Variants in WWP2 observed in about 807,000 individuals in gnomAD.
The protein encoded by WWP2 is NEDD4-like E3 ubiquitin-protein ligase WWP2.
Under a neutral mutation model 121.0 loss-of-function variants are expected in WWP2, and 57 were observed. That is an observed-to-expected ratio of 0.47 (90% CI 0.38 to 0.59). WWP2 has a LOEUF of 0.59. Among genes scored for constraint, WWP2 ranks in the 20% least tolerant of loss-of-function variants. WWP2 has a pLI of 0.00. For missense variants in WWP2, 962 were observed against 1,158.9 expected (o/e 0.83, Z 2.47); for synonymous variants, 449 against 441.3 (o/e 1.02, Z -0.22).
intron 14 of WWP2, 73 bp downstream of exon 14, chr16:69,931,300 C>T (rs2058707914): frequency 6.4e-7 from 1 of 1,574,152 alleles, no homozygotes; most frequent in African/African-American, 1.3e-5. Context: ...CCCGGCACAG[C>T]AGCAGGTATC....
chr16:69,828,759 G>T (rs1486618544), intron 4 of WWP2, among the ~76,000 whole-genome samples: 2 of 152,170 alleles, frequency 1.3e-5, no homozygotes, highest in Non-Finnish European at 2.9e-5. Flanking sequence ...TCTTGGCAAG[G>T]TCATCATCTA....
At chr16:69,835,721 C>T (rs2056864573) in intron 4 of WWP2, among the ~76,000 whole-genome samples, 1 of 152,058 alleles carries the variant, frequency 6.6e-6, no homozygotes. Context: ...TCTAAAAAGT[C>T]ACTTGAAAAT....
At chr16:69,830,938 G>A (rs929775913) in intron 4 of WWP2, among the ~76,000 whole-genome samples, 8 of 152,126 alleles carry the variant, frequency 5.3e-5, no homozygotes, top group African/African-American at 1.7e-4. Context: ...AATTTCCCCC[G>A]GTTCCCTTCC....
intron 1 of WWP2, among the ~76,000 whole-genome samples, chr16:69,781,574 C>T (rs1230677053): frequency 6.6e-6 from 1 of 151,846 alleles, no homozygotes; most frequent in Non-Finnish European, 1.5e-5. Flanking sequence ...GTCTTGAACT[C>T]CTGAGCACAA....
chr16:69,930,188 G>GTATTT lies in WWP2; in HGVS notation c.1376_1377insATTTT (p.Arg460PhefsTer58). Reference sequence around the variant, plus strand: ...GGAGATGAAATACACCAGCGAGGGGGTGCGATACTTTGTGGACCACAATAC... The same window carrying GTATTT: ...GGAGATGAAATACACCAGCGAGGGGGTATTTTGCGATACTTTGTGGACCACAATAC... On this transcript the variant is annotated frameshift_variant, in exon 13 of 24. Coordinates refer to ENST00000359154, the MANE Select transcript of WWP2 (RefSeq NM_001270454.2). LOFTEE classifies it high-confidence loss of function. 6.2e-7 allele frequency: 1 copy of GTATTT among 1,614,058 alleles called. No homozygotes were observed. The highest frequency in any genetic ancestry group is 1.1e-5 in the South Asian group (1 of 91,052).
At chr16:69,922,077 C>CAA (rs530518146) in intron 10 of WWP2, among the ~76,000 whole-genome samples, 41 of 96,562 alleles carry the variant, frequency 4.2e-4, no homozygotes, top group East Asian at 1.3e-3. Context: ...GACTCCATCT[C>CAA]AAAAAAAAAA....
At chr16:69,880,665 A>G (rs757458810) in intron 7 of WWP2, among the ~76,000 whole-genome samples, 1 of 152,216 alleles carries the variant, frequency 6.6e-6, no homozygotes, top group African/African-American at 2.4e-5. Flanking sequence ...TGCCGTGCTA[A>G]TTACGAAATC....
chr16:69,823,007 C>T (rs780201957), intron 4 of WWP2, among the ~76,000 whole-genome samples: 3 of 151,884 alleles, frequency 2.0e-5, no homozygotes, highest in East Asian at 1.9e-4. Flanking sequence ...CATGGTGGCA[C>T]GTAATCTCAG....
intron 4 of WWP2, among the ~76,000 whole-genome samples, chr16:69,820,821 CATAT>C (rs943006863): frequency 4.0e-5 from 5 of 126,424 alleles, no homozygotes; most frequent in Non-Finnish European, 8.5e-5. Context: ...TGAATACATG[CATAT>C]ACACACACAC....
intron 8 of WWP2, among the ~76,000 whole-genome samples, chr16:69,893,199 G>A (rs1416480223): frequency 6.6e-6 from 1 of 152,142 alleles, no homozygotes; most frequent in Non-Finnish European, 1.5e-5. Flanking sequence ...ATCCCTGGTG[G>A]ACAAGAAGAA....
chr16:69,816,050 A>G (rs923623272), intron 4 of WWP2, among the ~76,000 whole-genome samples: 10 of 152,160 alleles, frequency 6.6e-5, no homozygotes, highest in Non-Finnish European at 1.5e-4. Flanking sequence ...AGTAAAAGAC[A>G]GCTACAGACC....
chr16:69,888,936 C>T (rs1224911520), intron 8 of WWP2, among the ~76,000 whole-genome samples: 2 of 152,136 alleles, frequency 1.3e-5, no homozygotes, highest in Non-Finnish European at 2.9e-5. Flanking sequence ...GAACTCCTGA[C>T]CTCACATCAT....
intron 16 of WWP2, among the ~76,000 whole-genome samples, chr16:69,932,786 C>A (rs1041965025): frequency 7.2e-5 from 11 of 152,324 alleles, no homozygotes; most frequent in African/African-American, 2.6e-4. Context: ...TTGCCTTCAC[C>A]CTGGTCCACC....
intron 6 of WWP2, among the ~76,000 whole-genome samples, chr16:69,862,810 C>T (rs1567388516): frequency 6.7e-6 from 1 of 148,414 alleles, no homozygotes; most frequent in African/African-American, 2.5e-5. Flanking sequence ...ACTGCGGCCT[C>T]GACCTCCCCA....
rs753509815 is a variant in WWP2, at chr16:69,937,731, G to T, written c.2343+79G>T. Reference sequence around the variant, plus strand: ...AACGGGTCCTGAGGAGGCCTCACGCGCAAGGACCTTCAGCTTTGGCCCTGT... The same window carrying T: ...AACGGGTCCTGAGGAGGCCTCACGCTCAAGGACCTTCAGCTTTGGCCCTGT... On this transcript the variant is annotated intron_variant, in intron 21 of 23. Coordinates refer to ENST00000359154, the MANE Select transcript of WWP2 (RefSeq NM_001270454.2). This position sits in a 1 kb window ranked among gnomAD's most constrained non-coding sequence, Gnocchi z 6.6. The T allele has an allele frequency of 1.0e-5, 14 of 1,388,616 alleles. No homozygotes were observed. The African/African-American group carries it at 1.6e-4, about 16-fold the overall frequency. 86.0% of individuals were successfully genotyped at this position (1,388,616 alleles called of 1,614,324 possible). A position where few individuals can be genotyped will look rare whatever the true frequency, so the allele number is the denominator to read the frequency against.
chr16:69,795,261 C>T (rs540146250), intron 2 of WWP2, among the ~76,000 whole-genome samples: 2 of 27,390 alleles, frequency 7.3e-5, no homozygotes, highest in African/African-American at 1.8e-4. Context: ...AATGCGGATA[C>T]ACACACACAC....
At chr16:69,930,018 A>G (rs2151988931) in intron 12 of WWP2, 112 bp from the exon 13 acceptor site, 1 of 1,506,730 alleles carries the variant, frequency 6.6e-7, no homozygotes. Flanking sequence ...ATGTCCTCAA[A>G]GTCCCTCATG....
At chr16:69,852,133 G>A (rs1178752585) in intron 6 of WWP2, among the ~76,000 whole-genome samples, 1 of 152,170 alleles carries the variant, frequency 6.6e-6, no homozygotes, top group African/African-American at 2.4e-5. Context: ...AGTTTGCATT[G>A]CCACCAGCAG....
chr16:69,827,373 G>A (rs998807944), intron 4 of WWP2, among the ~76,000 whole-genome samples: 2 of 152,054 alleles, frequency 1.3e-5, no homozygotes, highest in Admixed American at 6.6e-5. Context: ...CAGCCTGGGC[G>A]ACAGAGACTC....
Sources: gnomAD v4.1 joint callset for allele counts (sites outside exome capture counted in the v4.1 genomes callset) on GRCh38, gnomAD v4.1.1 for gene constraint, Gnocchi (gnomAD v3.1) non-coding constraint, MANE v1.5 for transcripts, NCBI Gene and HGNC (gene_info 2026-07-23, HGNC 2026-07-21) for gene names.